Variants in KCNN2 observed in about 807,000 individuals in gnomAD.
The protein encoded by KCNN2 is potassium calcium-activated channel subfamily N member 2, also known as small conductance calcium-activated potassium channel protein 2.
In KCNN2, 24 loss-of-function variants were observed where a neutral mutation model predicts 55.5. The observed-to-expected ratio is 0.43, with a 90% CI of 0.31 to 0.61. The LOEUF (loss-of-function observed/expected upper bound fraction) is 0.61. KCNN2 is among the 20% of genes least tolerant of loss of function. The pLI is 0.08. For synonymous variants in KCNN2, 431 were observed against 336.1 expected (o/e 1.28, Z -3.09); for missense variants, 754 against 853.6 (o/e 0.88, Z 1.45).
chr5:114,172,609 A>G (rs958426813), intron 1 of KCNN2, among the ~76,000 whole-genome samples: 2 of 148,282 alleles, frequency 1.3e-5, no homozygotes, highest in African/African-American at 2.4e-5. Context: ...TATATATTAT[A>G]GTTTATATAA....
At chr5:114,161,327 G>A (rs893789179) in intron 1 of KCNN2, among the ~76,000 whole-genome samples, 2 of 146,896 alleles carry the variant, frequency 1.4e-5, no homozygotes, top group Admixed American at 7.0e-5. Context: ...TTGAATATTG[G>A]CCCCCACTCT....
chr5:114,204,135 C>T (rs184228338), intron 1 of KCNN2, among the ~76,000 whole-genome samples: 4 of 152,078 alleles, frequency 2.6e-5, no homozygotes, highest in Admixed American at 2.6e-4. Flanking sequence ...AGTGCTTTTG[C>T]ATAAGGAACT....
intron 1 of KCNN2, among the ~76,000 whole-genome samples, chr5:114,083,665 T>A (rs1183862874): frequency 1.3e-5 from 2 of 152,162 alleles, no homozygotes; most frequent in African/African-American, 4.8e-5. Flanking sequence ...TTTGTTACAA[T>A]TTATGAACCA....
intron 2 of KCNN2, among the ~76,000 whole-genome samples, chr5:114,291,902 A>G (rs1755897525): frequency 6.6e-6 from 1 of 152,152 alleles, no homozygotes; most frequent in Non-Finnish European, 1.5e-5. Context: ...GTGAGATGGT[A>G]TCTCATTGTG....
At chr5:114,233,356 A>G (rs1754402695) in intron 2 of KCNN2, among the ~76,000 whole-genome samples, 3 of 152,178 alleles carry the variant, frequency 2.0e-5, no homozygotes, top group South Asian at 2.1e-4. Context: ...ATCTTGGTCA[A>G]CTGGATACCT....
At chr5:114,476,132 AC>A (rs1266753635) in intron 5 of KCNN2, among the ~76,000 whole-genome samples, 1 of 151,256 alleles carries the variant, frequency 6.6e-6, no homozygotes, top group East Asian at 2.0e-4. Flanking sequence ...GGTGCGCTGC[AC>A]CCACTAACTC....
intron 2 of KCNN2, among the ~76,000 whole-genome samples, chr5:114,291,459 A>C (rs1402746376): frequency 6.6e-6 from 1 of 152,012 alleles, no homozygotes; most frequent in Non-Finnish European, 1.5e-5. Flanking sequence ...TTGTCCTTGC[A>C]ATAGTTTGCT....
chr5:114,352,827 T>C lies in KCNN2; in HGVS notation c.-184-8118T>C, dbSNP rs192871747. On this transcript the variant is annotated intron_variant, in intron 2 of 10. Coordinates refer to the KCNN2 transcript ENST00000512097. ...GGTCAAGTCAGGCTATTTTGGACAA[T>C]GTTCCTTGTGCACGTGAGAAAAATG... Among the ~76,000 whole-genome samples the C allele has an allele frequency of 5.9e-5, 9 of 151,990 alleles. No homozygotes were observed. The East Asian group carries it at 9.6e-4, about 16-fold the overall frequency.
upstream of KCNN2, among the ~76,000 whole-genome samples, chr5:114,357,310 T>A (rs79641190): frequency 1.7e-4 from 25 of 150,528 alleles, 1 homozygote; most frequent in East Asian, 9.7e-4. Flanking sequence ...TTTTTTTTTT[T>A]AATTATACTT....
chr5:114,294,110 T>A (rs1321453665), intron 2 of KCNN2, among the ~76,000 whole-genome samples: 1 of 152,160 alleles, frequency 6.6e-6, no homozygotes, highest in African/African-American at 2.4e-5. Context: ...TTGCTAGCGG[T>A]CTATCAATTT....
chr5:114,140,176 A>G (rs1343833277), intron 1 of KCNN2, among the ~76,000 whole-genome samples: 1 of 152,244 alleles, frequency 6.6e-6, no homozygotes, highest in Non-Finnish European at 1.5e-5. Flanking sequence ...TATAACCTAT[A>G]TAAACAAAGG....
intron 2 of KCNN2, among the ~76,000 whole-genome samples, chr5:114,346,886 G>T (rs918117405): frequency 6.6e-6 from 1 of 151,986 alleles, no homozygotes; most frequent in Non-Finnish European, 1.5e-5. Context: ...ATGATGAACT[G>T]TTCAAAAAAT....
chr5:114,376,077 G>T (rs1049208767), intron 2 of KCNN2, among the ~76,000 whole-genome samples: 1 of 150,792 alleles, frequency 6.6e-6, no homozygotes, highest in Non-Finnish European at 1.5e-5. Context: ...CACGTTCTGC[G>T]TCTCATCTCC....
rs1024319959 is a variant in KCNN2, at chr5:114,241,652, T to G, written c.-185+20087T>G. On this transcript the variant is annotated intron_variant, in intron 2 of 10. Transcript: ENST00000512097. ...CAAAAACGTAATCTATGTTAAATAT[T>G]TAAGTGTAAAAAATAAAAATGTTAG... Among the ~76,000 whole-genome samples, 3 of 147,636 alleles carry G rather than the reference T, an allele frequency of 2.0e-5. No homozygotes were observed. In the South Asian group the frequency reaches 6.4e-4, roughly 31 times the overall value.
chr5:114,464,860 T>G (rs1761368741), intron 4 of KCNN2, among the ~76,000 whole-genome samples: 1 of 151,352 alleles, frequency 6.6e-6, no homozygotes, highest in African/African-American at 2.4e-5. Context: ...ATTGGATCAC[T>G]TCCCCTTTTT....
chr5:114,210,970 A>G (rs1753869867), intron 1 of KCNN2, among the ~76,000 whole-genome samples: 1 of 152,152 alleles, frequency 6.6e-6, no homozygotes, highest in Admixed American at 6.5e-5. Context: ...AAAAAGCTCA[A>G]TATCACTGAT....
At chr5:114,217,445 A>G (rs1348071542) in intron 1 of KCNN2, among the ~76,000 whole-genome samples, 1 of 152,166 alleles carries the variant, frequency 6.6e-6, no homozygotes. Flanking sequence ...AAAAATCGCC[A>G]CATAAATGTA....
At chr5:114,389,018 A>G (rs952541312) in intron 2 of KCNN2, among the ~76,000 whole-genome samples, 3 of 151,986 alleles carry the variant, frequency 2.0e-5, no homozygotes, top group Non-Finnish European at 4.4e-5. Flanking sequence ...GTGTGCAAGA[A>G]TGTTTGATTT....
At chr5:114,154,256 T>C (rs968875742) in intron 1 of KCNN2, among the ~76,000 whole-genome samples, 3 of 152,092 alleles carry the variant, frequency 2.0e-5, no homozygotes, top group African/African-American at 4.8e-5. Flanking sequence ...CCCTGAGAAA[T>C]ACCAGTGTTA....
Sources: allele counts gnomAD v4.1 joint callset (sites outside exome capture counted in the v4.1 genomes callset), GRCh38; gene constraint gnomAD v4.1.1; transcripts MANE v1.5; gene names NCBI Gene and HGNC (gene_info 2026-07-23, HGNC 2026-07-21).